Variants in GGT5 observed in about 807,000 individuals in gnomAD.
The protein encoded by GGT5 is gamma-glutamyltransferase 5.
A neutral mutation model predicts 58.1 loss-of-function variants in GGT5; 50 were observed. The observed-to-expected ratio is 0.86, with a 90% CI of 0.69 to 1.09. The LOEUF is 1.09. Ranked by LOEUF, GGT5 falls within the 50% of genes least tolerant of loss-of-function variation. The pLI is 0.00. For missense variants in GGT5, 800 were observed against 789.4 expected (o/e 1.01, Z -0.16); for synonymous variants, 370 against 346.1 (o/e 1.07, Z -0.77).
chr22:24,222,283 C>T (rs142483653), intron 11 of GGT5, among the ~76,000 whole-genome samples: 1 of 152,278 alleles, frequency 6.6e-6, no homozygotes, highest in East Asian at 1.9e-4. Flanking sequence ...CTAGATGCAT[C>T]GGGTGATGCC....
intron 1 of GGT5, among the ~76,000 whole-genome samples, chr22:24,239,619 A>G (rs2048275842): frequency 6.6e-6 from 1 of 152,036 alleles, no homozygotes; most frequent in South Asian, 2.1e-4. Flanking sequence ...TTACTCTTAC[A>G]TAGCTCTACA....
In GGT5 at chr22:24,241,173, A is replaced by C. The variant is rs1001028544; in HGVS notation, c.173+3380T>G. 3 of 152,126 alleles carry C rather than the reference A, an allele frequency of 2.0e-5. No homozygotes were observed. In the East Asian group the frequency reaches 5.8e-4, roughly 29 times the overall value. The allele number at this position is 152,126 out of a possible 1,614,324, so 9.4% of individuals were successfully genotyped here. On this transcript the variant is annotated intron_variant, in intron 1 of 11. Coordinates refer to ENST00000327365, the MANE Select transcript of GGT5 (RefSeq NM_004121.5). The stretch of plus-strand genomic sequence containing the variant: ...ACTCCATCTCAAAAAAAAAAAAAAA[A>C]AAAAACACGAGGTTACTAGCTAGTT...
At chr22:24,229,298 G>A (rs570325974) in intron 6 of GGT5, among the ~76,000 whole-genome samples, 7 of 150,674 alleles carry the variant, frequency 4.6e-5, no homozygotes, top group African/African-American at 1.7e-4. Context: ...TCCCAGCTAC[G>A]TGGGAGGCTG....
At position 24,222,983 on chromosome 22, in the gene GGT5, G is replaced by A. The variant is rs890800882; in HGVS notation, c.1614+2013C>T. 8.9e-5 allele frequency among the ~76,000 whole-genome samples: 13 copies of A among 146,056 alleles called. No individual in the cohort carries two copies. In the South Asian group the frequency reaches 1.0e-3, roughly 12 times the overall value. On this transcript the variant is annotated intron_variant, in intron 11 of 11. Coordinates refer to ENST00000327365, the MANE Select transcript of GGT5 (RefSeq NM_004121.5). ...TCCCAGCTACTTGGGAGGATGAGGCGGGAGGATGAGGCAGGGGAATGGCGT... is the reference window on the plus strand; with the variant it reads ...TCCCAGCTACTTGGGAGGATGAGGCAGGAGGATGAGGCAGGGGAATGGCGT...
At chr22:24,235,573 G>T (rs569838104) in intron 1 of GGT5, among the ~76,000 whole-genome samples, 24 of 152,310 alleles carry the variant, frequency 1.6e-4, no homozygotes, top group African/African-American at 5.5e-4. Flanking sequence ...GCACACATGG[G>T]CACCACAGGG....
rs767531469 is a variant in GGT5 at position 24,225,054 on chromosome 22, G to A, written c.1556C>T (p.Ala519Val). 1.2e-6 allele frequency: 2 copies of A among 1,601,750 alleles called. No homozygotes were observed. Among genetic ancestry groups the A allele is most frequent in the Non-Finnish European group, 1.7e-6 (2 of 1,174,140 alleles). Residue 519 changes from alanine (A) to valine (V), a missense_variant, in exon 11 of 12, where the codon GCC (alanine) becomes GTC (valine). Physicochemically the swap from Ala to Val is moderately conservative, Grantham distance 64. Coordinates refer to ENST00000327365, the MANE Select transcript of GGT5 (RefSeq NM_004121.5). ...LGFDLRAAIA[A>V]PILHVNSKGC... ...CTTGCTGTTGACATGCAGGATGGGG[G>A]CTGCAATGGCCGCTCTCAGGTCAAA... is the stretch of plus-strand genomic sequence containing the variant.
chr22:24,234,655 A>C lies in GGT5; in HGVS notation c.174-651T>G, dbSNP rs560034528. ...GCCAACATGGTGAAACCCCGTCTCT[A>C]CTAAAAATACAAAAATTAGCTGAAT... On this transcript the variant is annotated intron_variant, in intron 1 of 11. Coordinates refer to ENST00000327365, the MANE Select transcript of GGT5 (RefSeq NM_004121.5). 2.6e-5 allele frequency among the ~76,000 whole-genome samples: 4 copies of C among 152,184 alleles called. No homozygotes were observed. The East Asian group carries it at 7.7e-4, about 29-fold the overall frequency.
intron 8 of GGT5, 149 bp downstream of exon 8, chr22:24,225,927 G>A (rs1044679349): frequency 7.7e-6 from 5 of 649,500 alleles, no homozygotes; most frequent in African/African-American, 1.8e-5. Flanking sequence ...GATGTCAGGG[G>A]TGGGGGCCTC....
intron 8 of GGT5, 109 bp from the exon 9 acceptor site, chr22:24,225,761 C>A: frequency 2.7e-6 from 2 of 733,616 alleles, no homozygotes; most frequent in Non-Finnish European, 4.8e-6. Context: ...TGCCCCGAAG[C>A]ATGCTGAAGC....
intron 6 of GGT5, among the ~76,000 whole-genome samples, chr22:24,229,044 G>A (rs568894018): frequency 6.6e-6 from 1 of 151,288 alleles, no homozygotes; most frequent in Admixed American, 6.6e-5. Context: ...AGCTGAGATC[G>A]CGCAATTGCA....
chr22:24,235,909 C>T (rs917989616), intron 1 of GGT5, among the ~76,000 whole-genome samples: 1 of 152,174 alleles, frequency 6.6e-6, no homozygotes, highest in African/African-American at 2.4e-5. Flanking sequence ...CCTCGCCCAC[C>T]CTGCCAGGCT....
rs749024136 is a variant in GGT5 at position 24,226,152 on chromosome 22, C to T, written c.1153G>A (p.Gly385Arg). Residue 385 changes from glycine to arginine, a missense_variant, in exon 8 of 12, where the codon GGG becomes AGG. By Grantham distance (125) the Gly-to-Arg change is moderately radical. Coordinates refer to ENST00000327365, the MANE Select transcript of GGT5 (RefSeq NM_004121.5). ...ACAGACACATGGGACGTGCCTGTCC[C>T]GTGGCCCCAGGCCTCGGCCAAGCTG... ...HYSLAEAWGH[G>R]TGTSHVSVLG... 40 of 1,611,192 alleles carry T rather than the reference C, an allele frequency of 2.5e-5. No homozygotes were observed. The Admixed American group carries it at 4.2e-4, about 17-fold the overall frequency.
At chr22:24,227,532 C>A (rs1024088656) in intron 6 of GGT5, among the ~76,000 whole-genome samples, 2 of 152,156 alleles carry the variant, frequency 1.3e-5, no homozygotes, top group Admixed American at 6.6e-5. Context: ...CAGGCATGAG[C>A]CACCACACCC....
intron 1 of GGT5, among the ~76,000 whole-genome samples, chr22:24,234,546 G>C (rs1601411539): frequency 6.6e-6 from 1 of 152,334 alleles, no homozygotes; most frequent in East Asian, 1.9e-4. Context: ...TAGGCTGGGT[G>C]TGGTGGCTCA....
intron 1 of GGT5, among the ~76,000 whole-genome samples, chr22:24,237,141 T>A (rs1279881909): frequency 6.6e-6 from 1 of 151,548 alleles, no homozygotes; most frequent in East Asian, 1.9e-4. Flanking sequence ...CCTGAAGCAA[T>A]CCTCCTGCCT....
intron 6 of GGT5, among the ~76,000 whole-genome samples, chr22:24,229,208 A>G (rs759699730): frequency 6.6e-6 from 1 of 152,038 alleles, no homozygotes; most frequent in Non-Finnish European, 1.5e-5. Flanking sequence ...GTTCAAGAGC[A>G]GCCTGGTCAA....
rs777270878 is a variant in GGT5 at position 24,226,622 on chromosome 22, C to G, written c.1038+9G>C. ...CGGCCCACCAGCCCAGCAACCTCAG[C>G]AACCTCACCTGGAGCTTCGGGTGGC... On this transcript the variant is annotated intron_variant, in intron 7 of 11. Transcript: ENST00000327365. 1.2e-6 allele frequency: 2 copies of G among 1,613,756 alleles called. No homozygotes were observed. Among genetic ancestry groups the G allele is most frequent in the Admixed American group, 3.3e-5 (2 of 59,980 alleles).
chr22:24,220,091 C>A lies in GGT5; in HGVS notation c.1640G>T (p.Arg547Leu). 6.2e-7 allele frequency: 1 copy of A among 1,614,162 alleles called. No homozygotes were observed. The highest frequency in any genetic ancestry group is 1.3e-5 in the African/African-American group (1 of 75,034). Residue 547 changes from arginine (R) to leucine (L), a missense_variant, in exon 12 of 12, where the codon CGT becomes CTT. Physicochemically the swap from Arg to Leu is moderately radical, Grantham distance 102 (BLOSUM62 -2). Coordinates refer to ENST00000327365, the MANE Select transcript of GGT5 (RefSeq NM_004121.5). ...GGGCCTCTGGGTCTGGTTCTGGCCA[C>A]GGTCTTGGAGTCCCCTCTGCACCTC... ...SQEVQRGLQD[R>L]GQNQTQRPFF...
intron 1 of GGT5, among the ~76,000 whole-genome samples, chr22:24,238,903 AT>A (rs2048234036): frequency 1.3e-3 from 19 of 14,978 alleles, no homozygotes; most frequent in African/African-American, 3.8e-3. Flanking sequence ...ATATATATAT[AT>A]ATTATATATA....
Sources: gnomAD v4.1 joint callset for allele counts (sites outside exome capture counted in the v4.1 genomes callset) on GRCh38, gnomAD v4.1.1 for gene constraint, MANE v1.5 for transcripts, NCBI Gene and HGNC (gene_info 2026-07-23, HGNC 2026-07-21) for gene names.